The following CNTN5 variants were observed in gnomAD, a reference collection of about 807,000 sequenced individuals.
The protein encoded by CNTN5 is contactin 5, also known as contactin-5.
Under a neutral mutation model 129.1 loss-of-function variants are expected in CNTN5, and 77 were observed. That is an observed-to-expected ratio of 0.60 (90% CI 0.50 to 0.72). The LOEUF (loss-of-function observed/expected upper bound fraction) is 0.72, where lower values mean the gene tolerates loss of function less well. CNTN5 is among the 30% of genes least tolerant of loss of function. The pLI is 0.00. For missense variants in CNTN5, 1,478 were observed against 1,328.8 expected (o/e 1.11, Z -1.75); for synonymous variants, 509 against 465.6 (o/e 1.09, Z -1.20).
chr11:100,070,305 A>G (rs1275965932), intron 10 of CNTN5, 119 bp from the exon 11 acceptor site: 11 of 1,040,320 alleles, frequency 1.1e-5, no homozygotes. Flanking sequence ...TCTTCAAAAT[A>G]CCTATGGTTG....
rs549662290 is a variant in CNTN5, at chr11:99,162,725, C to T, written c.-210+141455C>T. ...TAGATATTACTTGACTTAGGTATGA[C>T]TAGTTTCTTCCATTTGATTGAAGAT... is the stretch of plus-strand genomic sequence containing the variant. On this transcript the variant is annotated intron_variant, in intron 1 of 24. Transcript: ENST00000524871. Among the ~76,000 whole-genome samples, 14 of 152,232 alleles carry T rather than the reference C, an allele frequency of 9.2e-5. No homozygotes were observed. In the East Asian group the frequency reaches 2.7e-3, roughly 29 times the overall value.
At chr11:100,013,142 A>C (rs542976150) in intron 9 of CNTN5, among the ~76,000 whole-genome samples, 8 of 152,266 alleles carry the variant, frequency 5.3e-5, no homozygotes, top group Admixed American at 1.3e-4. Flanking sequence ...TAATGTGTAC[A>C]CATGGGCATA....
At chr11:100,344,764 CATCT>C (rs1263754962) in intron 23 of CNTN5, among the ~76,000 whole-genome samples, 10 of 152,032 alleles carry the variant, frequency 6.6e-5, no homozygotes, top group Non-Finnish European at 1.5e-5. Context: ...AAAATATATA[CATCT>C]ATTATGTATC....
intron 1 of CNTN5, among the ~76,000 whole-genome samples, chr11:99,159,059 T>G (rs185784118): frequency 2.6e-5 from 4 of 152,186 alleles, no homozygotes; most frequent in Non-Finnish European, 5.9e-5. Context: ...TGAAAAGTTA[T>G]GTGACTTAGG....
At chr11:99,117,172 A>T (rs1002039137) in intron 1 of CNTN5, among the ~76,000 whole-genome samples, 1 of 152,174 alleles carries the variant, frequency 6.6e-6, no homozygotes, top group African/African-American at 2.4e-5. Flanking sequence ...TGTTGGAGGA[A>T]AAAAATGGTG....
intron 1 of CNTN5, among the ~76,000 whole-genome samples, chr11:99,212,167 T>C (rs1467233210): frequency 6.6e-6 from 1 of 152,146 alleles, no homozygotes; most frequent in Non-Finnish European, 1.5e-5. Flanking sequence ...GGGATATAAG[T>C]TGGGTTGCAC....
At chr11:99,556,031 G>T in intron 2 of CNTN5, 114 bp from the exon 3 acceptor site, 1 of 438,062 alleles carries the variant, frequency 2.3e-6, no homozygotes, top group Non-Finnish European at 4.1e-6. Context: ...TCTGACCTTT[G>T]CACTAATGGT....
chr11:99,415,387 A>G (rs1178529663), intron 2 of CNTN5, among the ~76,000 whole-genome samples: 2 of 152,134 alleles, frequency 1.3e-5, no homozygotes, highest in African/African-American at 4.8e-5. Context: ...TTGTCTGTTC[A>G]GCTTCTTCTT....
chr11:99,590,368 C>T (rs1335906247), intron 3 of CNTN5, among the ~76,000 whole-genome samples: 1 of 152,120 alleles, frequency 6.6e-6, no homozygotes, highest in Non-Finnish European at 1.5e-5. Context: ...CAAACCCTGG[C>T]ATTGTTGTTT....
chr11:99,722,318 C>T (rs1177540929), intron 3 of CNTN5, among the ~76,000 whole-genome samples: 1 of 152,082 alleles, frequency 6.6e-6, no homozygotes, highest in Admixed American at 6.6e-5. Context: ...GGAATGAGAT[C>T]ATGTCTTTTG....
intron 9 of CNTN5, among the ~76,000 whole-genome samples, chr11:100,044,039 C>G (rs1017200250): frequency 1.3e-5 from 2 of 150,564 alleles, no homozygotes; most frequent in Admixed American, 1.3e-4. Context: ...ACCTTTCTCA[C>G]CCCCTCCCAC....
intron 2 of CNTN5, among the ~76,000 whole-genome samples, chr11:99,522,121 C>G (rs879859102): frequency 6.6e-6 from 1 of 152,096 alleles, no homozygotes; most frequent in Non-Finnish European, 1.5e-5. Flanking sequence ...TTCTTTTTCT[C>G]TCTCTTATGG....
At chr11:100,330,942 G>T (rs911868544) in intron 21 of CNTN5, among the ~76,000 whole-genome samples, 1 of 152,134 alleles carries the variant, frequency 6.6e-6, no homozygotes. Context: ...AGGTATTCAG[G>T]CAACAAATAG....
chr11:99,592,007 G>A (rs1259931823), intron 3 of CNTN5, among the ~76,000 whole-genome samples: 3 of 152,162 alleles, frequency 2.0e-5, no homozygotes, highest in Non-Finnish European at 4.4e-5. Flanking sequence ...TTTGCCTTGA[G>A]CAGCTAAGTA....
intron 2 of CNTN5, among the ~76,000 whole-genome samples, chr11:99,470,004 A>C (rs1371060076): frequency 6.6e-6 from 1 of 152,130 alleles, no homozygotes; most frequent in African/African-American, 2.4e-5. Context: ...GAAGAAACTG[A>C]GGTTCAAAGA....
intron 2 of CNTN5, among the ~76,000 whole-genome samples, chr11:99,460,081 G>T (rs904468917): frequency 6.6e-6 from 1 of 151,854 alleles, no homozygotes; most frequent in Admixed American, 6.6e-5. Context: ...GGACATGGAG[G>T]ACTAGAGCTT....
At chr11:99,595,286 T>C (rs1057407109) in intron 3 of CNTN5, among the ~76,000 whole-genome samples, 14 of 152,208 alleles carry the variant, frequency 9.2e-5, no homozygotes, top group African/African-American at 2.9e-4. Flanking sequence ...CATTATACTT[T>C]GTATATATGC....
intron 16 of CNTN5, among the ~76,000 whole-genome samples, chr11:100,239,188 G>A (rs1949686472): frequency 6.6e-6 from 1 of 152,060 alleles, no homozygotes; most frequent in South Asian, 2.1e-4. Flanking sequence ...AAATTGTAAT[G>A]GATATCTTAG....
intron 21 of CNTN5, among the ~76,000 whole-genome samples, chr11:100,338,652 G>A (rs898246148): frequency 2.0e-5 from 3 of 152,200 alleles, no homozygotes; most frequent in African/African-American, 7.2e-5. Context: ...AGCCTTTGTG[G>A]GAGGGAGCAC....
Sources: gnomAD v4.1 joint callset for allele counts (sites outside exome capture counted in the v4.1 genomes callset) on GRCh38, gnomAD v4.1.1 for gene constraint, MANE v1.5 for transcripts, NCBI Gene and HGNC (gene_info 2026-07-23, HGNC 2026-07-21) for gene names.